Variants in GDA observed in about 807,000 individuals in gnomAD.
GDA encodes guanine deaminase.
Under a neutral mutation model 59.6 loss-of-function variants are expected in GDA, and 18 were observed. The observed-to-expected ratio is 0.30, with a 90% CI of 0.21 to 0.45. GDA has a LOEUF of 0.45. Ranked by LOEUF, GDA falls within the 20% of genes least tolerant of loss-of-function variation. GDA has a pLI of 1.00. For missense variants in GDA, 427 were observed against 552.3 expected (o/e 0.77, Z 2.27); for synonymous variants, 201 against 201.1 (o/e 1.00, Z 0.00).
rs1840373380 is a variant in GDA, at chr9:72,248,416, GAA to G, written c.*76_*77del. 5.6e-6 allele frequency: 9 copies of G among 1,601,122 alleles called. 1 individual carries two copies. The South Asian group carries it at 1.0e-4, about 18-fold the overall frequency. ...TCTCCCTTGTGCCCAGGTGGAGTTAGAAAGTCAAAAAATAGTACCTTGTTCTT... is the reference window on the plus strand; with the variant it reads ...TCTCCCTTGTGCCCAGGTGGAGTTAGAGTCAAAAAATAGTACCTTGTTCTT... On this transcript the variant is annotated 3_prime_UTR_variant, in exon 14 of 14. Transcript: ENST00000358399.
intron 1 of GDA, among the ~76,000 whole-genome samples, chr9:72,138,372 A>G (rs1443367336): frequency 6.6e-6 from 1 of 152,216 alleles, no homozygotes; most frequent in Non-Finnish European, 1.5e-5. Context: ...TGTTTGTCCA[A>G]GATGATGGTG....
chr9:72,139,345 A>G (rs1826360885), intron 1 of GDA, among the ~76,000 whole-genome samples: 1 of 152,234 alleles, frequency 6.6e-6, no homozygotes, highest in African/African-American at 2.4e-5. Flanking sequence ...ATTGAAATAC[A>G]TATATCAAAA....
intron 3 of GDA, 150 bp downstream of exon 3, chr9:72,202,892 GTTT>G: frequency 4.0e-6 from 2 of 503,000 alleles, no homozygotes; most frequent in Non-Finnish European, 6.8e-6. Flanking sequence ...AGTCCAGTGA[GTTT>G]GTGACCACCT....
intron 9 of GDA, among the ~76,000 whole-genome samples, chr9:72,229,395 G>A (rs1445668167): frequency 6.6e-6 from 1 of 151,900 alleles, no homozygotes; most frequent in Non-Finnish European, 1.5e-5. Context: ...AACCTTCAGG[G>A]AAGTAAAACA....
intron 9 of GDA, among the ~76,000 whole-genome samples, chr9:72,230,501 A>AAAAT: frequency 6.9e-6 from 1 of 144,026 alleles, no homozygotes; most frequent in African/African-American, 2.6e-5. Context: ...AAAAAAAAAA[A>AAAAT]ATATATATAT....
intron 9 of GDA, among the ~76,000 whole-genome samples, chr9:72,230,221 G>A (rs1838159683): frequency 6.6e-6 from 1 of 152,108 alleles, no homozygotes. Context: ...TGGTGGGCAT[G>A]GTGGCTCATG....
chr9:72,215,873 C>T (rs1332298349), intron 5 of GDA, among the ~76,000 whole-genome samples: 1 of 152,176 alleles, frequency 6.6e-6, no homozygotes, highest in Non-Finnish European at 1.5e-5. Context: ...CACGTAAAGA[C>T]TTGCAGGTAA....
chr9:72,212,239 T>C (rs1038467103), intron 4 of GDA, among the ~76,000 whole-genome samples: 1 of 151,830 alleles, frequency 6.6e-6, no homozygotes, highest in East Asian at 1.9e-4. Flanking sequence ...TCCTGGCACT[T>C]TCGGAGGCCG....
At chr9:72,208,268 T>C (rs1473894348) in intron 3 of GDA, among the ~76,000 whole-genome samples, 2 of 152,176 alleles carry the variant, frequency 1.3e-5, no homozygotes, top group Admixed American at 6.5e-5. Context: ...AAAACCCTGT[T>C]TTTTCACAAA....
upstream of GDA, chr9:72,149,383 A>T: frequency 1.7e-6 from 1 of 603,080 alleles, no homozygotes; most frequent in Non-Finnish European, 2.8e-6. Flanking sequence ...GGAGGTAGGG[A>T]GCCAGCCCCT....
Position 72,189,317 on chromosome 9 carries a change from G to A in GDA, c.124-6183G>A, listed in dbSNP as rs568837957. ...CACCTTAGCCTCCTGAATAGCTGGG[G>A]TTACAGGCATGCATCCCCATACCTG... On this transcript the variant is annotated intron_variant, in intron 1 of 13. Transcript: ENST00000358399. 7.3e-5 allele frequency among the ~76,000 whole-genome samples: 11 copies of A among 151,440 alleles called. No homozygotes were observed. In the East Asian group the frequency reaches 2.1e-3, roughly 29 times the overall value.
chr9:72,223,499 T>C (rs1463467403), intron 7 of GDA, among the ~76,000 whole-genome samples: 1 of 152,190 alleles, frequency 6.6e-6, no homozygotes, highest in Non-Finnish European at 1.5e-5. Context: ...TCGTTTTAAG[T>C]AGTGGCAAGA....
intron 1 of GDA, among the ~76,000 whole-genome samples, chr9:72,122,559 C>T (rs1165132137): frequency 6.6e-6 from 1 of 151,946 alleles, no homozygotes; most frequent in Non-Finnish European, 1.5e-5. Context: ...ACTATGTACA[C>T]AAGATTACTC....
chr9:72,199,978 C>G (rs1461716715), intron 2 of GDA, among the ~76,000 whole-genome samples: 4 of 150,322 alleles, frequency 2.7e-5, no homozygotes, highest in Non-Finnish European at 5.9e-5. Flanking sequence ...ATAAGACCCT[C>G]AAATCTGAAT....
chr9:72,200,931 T>C (rs1833914762), intron 2 of GDA, among the ~76,000 whole-genome samples: 1 of 152,228 alleles, frequency 6.6e-6, no homozygotes, highest in South Asian at 2.1e-4. Flanking sequence ...GCGCCAAAGC[T>C]GACTAGTTAA....
intron 1 of GDA, among the ~76,000 whole-genome samples, chr9:72,181,434 T>G (rs2131083095): frequency 6.6e-6 from 1 of 152,218 alleles, no homozygotes; most frequent in East Asian, 1.9e-4. Flanking sequence ...CAAGCAATTC[T>G]CTGCCTCAGC....
intron 6 of GDA, among the ~76,000 whole-genome samples, chr9:72,220,354 A>G (rs1836711963): frequency 6.6e-6 from 1 of 152,136 alleles, no homozygotes; most frequent in South Asian, 2.1e-4. Flanking sequence ...ATTTTAGTGG[A>G]TTTGTTTAGA....
chr9:72,230,121 A>G (rs764477493), intron 9 of GDA, among the ~76,000 whole-genome samples: 9 of 152,206 alleles, frequency 5.9e-5, no homozygotes, highest in Non-Finnish European at 1.3e-4. Flanking sequence ...AGTTATGTGC[A>G]TCTTCCAGCA....
chr9:72,174,911 A>G (rs1383173428), intron 1 of GDA, among the ~76,000 whole-genome samples: 4 of 152,068 alleles, frequency 2.6e-5, no homozygotes, highest in Non-Finnish European at 5.9e-5. Context: ...GAAGAAAGGA[A>G]AAGTGTTCCA....
Sources: gnomAD v4.1 joint callset for allele counts (sites outside exome capture counted in the v4.1 genomes callset) on GRCh38, gnomAD v4.1.1 for gene constraint, MANE v1.5 for transcripts, NCBI Gene and HGNC (gene_info 2026-07-23, HGNC 2026-07-21) for gene names.